Variants in GAK observed in about 807,000 individuals in gnomAD.
GAK encodes cyclin G associated kinase.
GAK carries 79 observed loss-of-function variants against 143.9 expected under a neutral mutation model. The ratio of observed to expected loss-of-function variants is 0.55; its 90% CI spans 0.46 to 0.66. The LOEUF is 0.66. GAK is among the 30% of genes least tolerant of loss of function. The pLI is 0.00. For synonymous variants in GAK, 881 were observed against 765.5 expected, an observed-to-expected ratio of 1.15 and a Z score of -2.49; for missense variants, 1,693 against 1,779.7, an observed-to-expected ratio of 0.95 and a Z score of 0.88.
rs759786511 is a variant in GAK at position 868,704 on chromosome 4, G to A, written c.2249-19C>T. 47 of 1,545,556 alleles carry A rather than the reference G, an allele frequency of 3.0e-5. No homozygotes were observed. Among genetic ancestry groups the A allele is most frequent in the East Asian group, 2.0e-4 (8 of 40,910 alleles). On this transcript the variant is annotated intron_variant, in intron 19 of 27. Transcript: ENST00000314167. Reference sequence around the variant, plus strand: ...GGCTTCCCTGCAGGAGAGGGAGGGCGTCAGGGCACTGGCACTGGCCAGCAG... The same window carrying A: ...GGCTTCCCTGCAGGAGAGGGAGGGCATCAGGGCACTGGCACTGGCCAGCAG...
At chr4:890,811 C>G (rs951570609) in intron 9 of GAK, among the ~76,000 whole-genome samples, 189 bp from the exon 10 acceptor site, 1 of 152,254 alleles carries the variant, frequency 6.6e-6, no homozygotes, top group Admixed American at 6.5e-5. Context: ...ACGCAGCCCT[C>G]ATCCCCTCAC....
chr4:872,967 G>A (rs1346857614), intron 18 of GAK, among the ~76,000 whole-genome samples: 1 of 152,028 alleles, frequency 6.6e-6, no homozygotes, highest in African/African-American at 2.4e-5. Context: ...CACGCCTCTC[G>A]CCCAGGCACG....
intron 26 of GAK, chr4:850,697 C>T (rs1747978458): frequency 8.0e-6 from 2 of 249,966 alleles, no homozygotes; most frequent in Non-Finnish European, 1.6e-5. Context: ...AGCAGCACAG[C>T]CTGGGGCCTG....
At chr4:887,612 C>T (rs1716742105) in intron 11 of GAK, 1 of 149,082 alleles carries the variant, frequency 6.7e-6, no homozygotes, top group Non-Finnish European at 1.5e-5. Context: ...CATACAGGCA[C>T]TCGCGCGCAT....
intron 5 of GAK, among the ~76,000 whole-genome samples, chr4:899,438 A>G (rs1188139575): frequency 2.0e-5 from 3 of 151,806 alleles, no homozygotes; most frequent in Non-Finnish European, 4.4e-5. Context: ...CAGGCAGCAC[A>G]GGGCTCCGAG....
intron 4 of GAK, 109 bp from the exon 5 acceptor site, chr4:904,888 G>T: frequency 9.0e-7 from 1 of 1,107,540 alleles, no homozygotes; most frequent in Non-Finnish European, 1.3e-6. Flanking sequence ...GGAAAACCCT[G>T]ACTTTCCACA....
intron 5 of GAK, among the ~76,000 whole-genome samples, chr4:902,071 C>G (rs1464378704): frequency 6.6e-6 from 1 of 152,124 alleles, no homozygotes; most frequent in Admixed American, 6.5e-5. Flanking sequence ...AACCCTGTCT[C>G]TACTAAAAGT....
chr4:902,332 G>C (rs557280583), intron 5 of GAK, among the ~76,000 whole-genome samples: 3 of 151,820 alleles, frequency 2.0e-5, no homozygotes, highest in Non-Finnish European at 4.4e-5. Flanking sequence ...CAGCCTGGGA[G>C]CGGTGGCTCA....
In GAK at chr4:851,790, G is replaced by C; in HGVS notation, c.3468C>G (p.Ile1156Met). The change falls in exon 25 of 28, where the codon ATC becomes ATG. Residue 1156 changes from isoleucine to methionine, a missense_variant. Physicochemically the swap from Ile to Met is conservative, Grantham distance 10. Coordinates refer to ENST00000314167, the MANE Select transcript of GAK (RefSeq NM_005255.4). Reference sequence around the variant, plus strand: ...GGACCCCCCGCTCCTCCCGCGCCCCGATCACACTGAAGTTCGAGGCATAGT... The same window carrying C: ...GGACCCCCCGCTCCTCCCGCGCCCCCATCACACTGAAGTTCGAGGCATAGT... ...RPNYASNFSVIGAREERGVRA... is the reference protein window; with the variant it reads ...RPNYASNFSVMGAREERGVRA... The C allele has an allele frequency of 6.2e-7, 1 of 1,612,712 alleles. No individual in the cohort carries two copies. The highest frequency in any genetic ancestry group is 2.2e-5 in the East Asian group (1 of 44,882).
In GAK at chr4:883,299, G is replaced by A. The variant is rs1052876384; in HGVS notation, c.1404+16C>T. 6 of 1,612,364 alleles carry A rather than the reference G, an allele frequency of 3.7e-6. No homozygotes were observed. The highest frequency in any genetic ancestry group is 1.3e-5 in the African/African-American group (1 of 74,920). On this transcript the variant is annotated intron_variant, in intron 13 of 27. Coordinates refer to ENST00000314167, the MANE Select transcript of GAK (RefSeq NM_005255.4). ...AGCTCCAGAGTGGCACCAAGACAAA[G>A]CCTGTGGCCACACACCCGGTTGTGG... is the stretch of plus-strand genomic sequence containing the variant.
At chr4:922,366 TCAG>T (rs1479262641) in intron 1 of GAK, among the ~76,000 whole-genome samples, 1 of 151,712 alleles carries the variant, frequency 6.6e-6, no homozygotes, top group Non-Finnish European at 1.5e-5. Flanking sequence ...AATACAAAAA[TCAG>T]CGGCGCATGG....
At chr4:876,669 A>T (rs1713956448) in intron 17 of GAK, 60 bp from the exon 18 acceptor site, 1 of 1,494,508 alleles carries the variant, frequency 6.7e-7, no homozygotes, top group Admixed American at 1.7e-5. Context: ...CTGGGGCCAC[A>T]GGCCAATTTT....
At chr4:884,904 G>C in intron 11 of GAK, among the ~76,000 whole-genome samples, 1 of 152,334 alleles carries the variant, frequency 6.6e-6, no homozygotes. Context: ...AAGGTCCAGA[G>C]AGATGAATGA....
intron 23 of GAK, among the ~76,000 whole-genome samples, chr4:864,352 C>A (rs1750774214): frequency 6.6e-6 from 1 of 152,120 alleles, no homozygotes; most frequent in Non-Finnish European, 1.5e-5. Flanking sequence ...CAGAGCAAGA[C>A]CCTGTCTCAA....
intron 18 of GAK, among the ~76,000 whole-genome samples, chr4:871,821 T>C (rs1712700478): frequency 6.6e-6 from 1 of 152,154 alleles, no homozygotes; most frequent in Non-Finnish European, 1.5e-5. Context: ...CCAGGCTATT[T>C]CACACATTTC....
chr4:889,071 T>G, intron 10 of GAK, 101 bp from the exon 11 acceptor site: 2 of 1,339,422 alleles, frequency 1.5e-6, no homozygotes, highest in Non-Finnish European at 2.0e-6. Context: ...CGGTCCCACC[T>G]CCCCAGGCGC....
At chr4:851,576 G>A (rs1384918919) in intron 25 of GAK, 174 bp downstream of exon 25, 7 of 651,544 alleles carry the variant, frequency 1.1e-5, no homozygotes, top group Non-Finnish European at 1.9e-5. Context: ...CCAGAGGCCT[G>A]ACCCAGAGAG....
chr4:870,083 C>G (rs983097578), intron 19 of GAK: 8 of 154,568 alleles, frequency 5.2e-5, no homozygotes, highest in African/African-American at 1.9e-4. Context: ...TGAATGCACA[C>G]ACCACTCGTG....
chr4:898,057 CTGGGCGCTCCAGCTGTAG>C lies in GAK; in HGVS notation c.609_626del (p.Asp203_Gln209delinsGlu). Reference sequence around the variant, plus strand: ...CCTCTTCCTCCACCAGGGCTCGCCTCTGGGCGCTCCAGCTGTAGTCAGGGTAGTGCGAGATGGTCGTGG... The same window carrying C: ...CCTCTTCCTCCACCAGGGCTCGCCTCTCAGGGTAGTGCGAGATGGTCGTGG... On this transcript the variant is annotated inframe_deletion, in exon 6 of 28. Transcript: ENST00000314167. 6.2e-7 allele frequency: 1 copy of C among 1,613,942 alleles called. No homozygotes were observed. The highest frequency in any genetic ancestry group is 1.1e-5 in the South Asian group (1 of 91,056).
Sources: allele counts gnomAD v4.1 joint callset (sites outside exome capture counted in the v4.1 genomes callset), GRCh38; gene constraint gnomAD v4.1.1; transcripts MANE v1.5; gene names NCBI Gene and HGNC (gene_info 2026-07-23, HGNC 2026-07-21).